HCN1: variants seen among roughly 807,000 people sequenced by gnomAD.
HCN1 encodes potassium/sodium hyperpolarization-activated cyclic nucleotide-gated channel 1.
A neutral mutation model predicts 78.9 loss-of-function variants in HCN1; 13 were observed. That is an observed-to-expected ratio of 0.16 (90% CI 0.11 to 0.26). HCN1 has a LOEUF of 0.26. HCN1 is among the 10% of genes least tolerant of loss of function. The pLI, the probability that HCN1 is intolerant of heterozygous loss-of-function variation, is 1.00. For synonymous variants in HCN1, 552 were observed against 455.5 expected (o/e 1.21, Z -2.70); for missense variants, 810 against 1,154.3 (o/e 0.70, Z 4.32).
chr5:45,268,084 G>T (rs145738609), intron 6 of HCN1, among the ~76,000 whole-genome samples: 9 of 152,250 alleles, frequency 5.9e-5, no homozygotes, highest in African/African-American at 2.2e-4. Context: ...TAGACCAGAG[G>T]TTTAGATATA....
At chr5:45,289,686 AAAAG>A (rs748679225) in intron 6 of HCN1, among the ~76,000 whole-genome samples, 1 of 152,078 alleles carries the variant, frequency 6.6e-6, no homozygotes, top group Non-Finnish European at 1.5e-5. Flanking sequence ...CAGGCACAGA[AAAAG>A]AAATGATGTC....
chr5:45,634,890 CA>C (rs1745331815), intron 2 of HCN1, among the ~76,000 whole-genome samples: 1 of 151,972 alleles, frequency 6.6e-6, no homozygotes, highest in Non-Finnish European at 1.5e-5. Context: ...TAGTATCATC[CA>C]AAATGAATAT....
At chr5:45,479,223 C>G (rs561332602) in intron 2 of HCN1, among the ~76,000 whole-genome samples, 70 of 151,608 alleles carry the variant, frequency 4.6e-4, no homozygotes, top group African/African-American at 1.7e-3. Context: ...TAAAGAAATT[C>G]AGTATAGCAT....
chr5:45,435,533 A>T (rs1740545511), intron 3 of HCN1, among the ~76,000 whole-genome samples: 1 of 152,158 alleles, frequency 6.6e-6, no homozygotes, highest in Admixed American at 6.5e-5. Flanking sequence ...ATTTTAGAAA[A>T]GGCTCAGGCA....
intron 7 of HCN1, 139 bp from the exon 8 acceptor site, chr5:45,262,949 C>T (rs1744779641): frequency 1.2e-6 from 1 of 815,228 alleles, no homozygotes; most frequent in Non-Finnish European, 2.0e-6. Flanking sequence ...CACCTTTACA[C>T]ACCAAATACC....
chr5:45,295,573 C>T (rs1028374254), intron 6 of HCN1, among the ~76,000 whole-genome samples: 3 of 152,014 alleles, frequency 2.0e-5, no homozygotes, highest in Non-Finnish European at 4.4e-5. Context: ...GAAACATACT[C>T]CTGCATTATT....
At chr5:45,532,439 CT>C (rs1343528774) in intron 2 of HCN1, among the ~76,000 whole-genome samples, 2 of 152,056 alleles carry the variant, frequency 1.3e-5, no homozygotes, top group Admixed American at 6.6e-5. Flanking sequence ...AACCTTTAAG[CT>C]ATTAAAAATT....
chr5:45,287,516 G>T (rs1745291631), intron 6 of HCN1, among the ~76,000 whole-genome samples: 1 of 151,966 alleles, frequency 6.6e-6, no homozygotes, highest in Non-Finnish European at 1.5e-5. Context: ...TTAGCACAAT[G>T]CCTGGCACAT....
intron 5 of HCN1, among the ~76,000 whole-genome samples, chr5:45,336,107 A>G (rs1746448913): frequency 6.6e-6 from 1 of 151,970 alleles, no homozygotes; most frequent in African/African-American, 2.4e-5. Context: ...GAGCATGTTA[A>G]GTGGATGGGA....
chr5:45,412,585 C>T (rs1740044660), intron 3 of HCN1, among the ~76,000 whole-genome samples: 1 of 152,090 alleles, frequency 6.6e-6, no homozygotes, highest in Admixed American at 6.6e-5. Context: ...GAAATTACCT[C>T]TATTAAGCTT....
At chr5:45,536,123 T>C (rs1742965034) in intron 2 of HCN1, among the ~76,000 whole-genome samples, 1 of 152,196 alleles carries the variant, frequency 6.6e-6, no homozygotes, top group Non-Finnish European at 1.5e-5. Flanking sequence ...CATTTTCTCC[T>C]TCATTTTAGA....
At chr5:45,446,152 C>T (rs535375629) in intron 3 of HCN1, among the ~76,000 whole-genome samples, 1,593 of 152,090 alleles carry the variant, frequency 0.01, 22 homozygotes, top group African/African-American at 0.036. Context: ...AAAATTTAGA[C>T]GAATGTATAA....
intron 4 of HCN1, among the ~76,000 whole-genome samples, chr5:45,391,619 G>A (rs1278659042): frequency 6.6e-6 from 1 of 152,020 alleles, no homozygotes. Context: ...GAGAGAGGAG[G>A]CTCCATCATC....
intron 2 of HCN1, among the ~76,000 whole-genome samples, chr5:45,603,187 G>T (rs1159063625): frequency 6.6e-6 from 1 of 151,950 alleles, no homozygotes; most frequent in African/African-American, 2.4e-5. Context: ...AATATCTGAT[G>T]CAGTCTGAAT....
chr5:45,259,504 T>C lies in HCN1; in HGVS notation c.*2417A>G, dbSNP rs1045995027. 6.6e-6 allele frequency: 1 copy of C among 152,310 alleles called. No homozygotes were observed. The allele number at this position is 152,310 out of a possible 1,614,324, so 9.4% of individuals were successfully genotyped here. A position where few individuals can be genotyped will look rare whatever the true frequency, so the allele number is the denominator to read the frequency against. ...GTCACTTTTCAACTAGCAATGGACC[T>C]TTATATTACAGGAATGTGAGTCATT... On this transcript the variant is annotated 3_prime_UTR_variant, in exon 8 of 8. Transcript: ENST00000303230.
intron 1 of HCN1, among the ~76,000 whole-genome samples, chr5:45,681,321 T>G (rs1215399313): frequency 6.6e-6 from 1 of 152,170 alleles, no homozygotes; most frequent in African/African-American, 2.4e-5. Context: ...GTTTGTTTGT[T>G]TGTTTGGATT....
intron 3 of HCN1, among the ~76,000 whole-genome samples, chr5:45,411,564 T>C (rs1740024626): frequency 7.1e-6 from 1 of 141,576 alleles, no homozygotes; most frequent in Non-Finnish European, 1.6e-5. Flanking sequence ...CTCATGAGGA[T>C]ATTCTAGCTA....
intron 4 of HCN1, among the ~76,000 whole-genome samples, chr5:45,384,139 C>T (rs1747868333): frequency 6.6e-6 from 1 of 152,138 alleles, no homozygotes; most frequent in African/African-American, 2.4e-5. Flanking sequence ...ATGATCAAAG[C>T]TTAACAGCCA....
At chr5:45,393,358 T>G (rs1394453503) in intron 4 of HCN1, among the ~76,000 whole-genome samples, 2 of 152,076 alleles carry the variant, frequency 1.3e-5, no homozygotes, top group African/African-American at 4.8e-5. Context: ...ATAGTCAGCT[T>G]CCCAGGAGTG....
Sources: gnomAD v4.1 joint callset for allele counts (sites outside exome capture counted in the v4.1 genomes callset) on GRCh38, gnomAD v4.1.1 for gene constraint, MANE v1.5 for transcripts, NCBI Gene and HGNC (gene_info 2026-07-23, HGNC 2026-07-21) for gene names.